The following SLC16A8 variants were observed in gnomAD, a reference collection of about 807,000 sequenced individuals.
SLC16A8 encodes solute carrier family 16 member 8.
In SLC16A8, 20 loss-of-function variants were observed where a neutral mutation model predicts 22.4. The ratio of observed to expected loss-of-function variants is 0.89; its 90% CI spans 0.63 to 1.30. The LOEUF is 1.30. Ranked by LOEUF, SLC16A8 falls within the 50% of genes most tolerant of loss-of-function variation. The pLI is 0.00. For synonymous variants in SLC16A8, 393 were observed against 358.8 expected (o/e 1.10, Z -1.08); for missense variants, 817 against 740.3 (o/e 1.10, Z -1.20).
rs994123479 is a variant in SLC16A8, at chr22:38,082,738, G to A, written c.136C>T (p.Leu46Phe). 2.5e-6 allele frequency: 4 copies of A among 1,592,402 alleles called. No individual in the cohort carries two copies. The African/African-American group carries it at 5.3e-5, about 21-fold the overall frequency. ...PKAVSVFFRA[L>F]MRDFDAGYSD... ...TAGCCGGCGTCGAAGTCGCGCATGA[G>A]CGCGCGGAAGAAGACGCTCACGGCT... The change falls in exon 3 of 6, where the codon CTC becomes TTC. Residue 46 changes from leucine (L) to phenylalanine (F), a missense_variant. Leu to Phe is a conservative substitution (Grantham distance 22). Transcript: ENST00000681075.
In SLC16A8 at chr22:38,082,776, T is replaced by TAGGCGAAGCCGG. The variant is rs1178625157; in HGVS notation, c.86_97dup (p.Ala32_Tyr33insSerGlyPheAla). The TAGGCGAAGCCGG allele has an allele frequency of 6.3e-7, 1 of 1,596,428 alleles. No homozygotes were observed. Among genetic ancestry groups the TAGGCGAAGCCGG allele is most frequent in the East Asian group, 2.3e-5 (1 of 44,310 alleles). On this transcript the variant is annotated inframe_insertion, in exon 3 of 6. Transcript: ENST00000681075. ...GACGCTCACGGCTTTGGGGAAGCCG[T>TAGGCGAAGCCGG]AGGCGAAGCCGGTGACCACAAAGCA... is the stretch of plus-strand genomic sequence containing the variant.
rs2085923626 is a variant in SLC16A8 at position 38,081,880 on chromosome 22, G to C, written c.358+9C>G. The C allele has an allele frequency of 2.5e-6, 4 of 1,592,224 alleles. No individual in the cohort carries two copies. The East Asian group carries it at 9.1e-5, about 36-fold the overall frequency. ...CAACCCAGCGGAGAGGAGACCAGGG[G>C]GCCCTCACCTGTGAGCACCCCAGCG... On this transcript the variant is annotated intron_variant, in intron 4 of 5. Coordinates refer to ENST00000681075, the MANE Select transcript of SLC16A8 (RefSeq NM_013356.3).
intron 3 of SLC16A8, among the ~76,000 whole-genome samples, chr22:38,082,349 C>T (rs904622549): frequency 3.3e-5 from 5 of 152,260 alleles, no homozygotes; most frequent in East Asian, 3.8e-4. Flanking sequence ...CAAGCCCCCA[C>T]CTACAGGTCA....
Position 38,081,985 on chromosome 22 carries a change from T to C in SLC16A8, c.262A>G (p.Met88Val). Residue 88 changes from methionine (M) to valine (V), a missense_variant, in exon 4 of 6, where the codon ATG becomes GTG. Coordinates refer to ENST00000681075, the MANE Select transcript of SLC16A8 (RefSeq NM_013356.3). The stretch of plus-strand genomic sequence containing the variant: ...GAAGCCAGCAGCCCACCCGCCAGCA[T>C]CACCGGGCGACAGCCAAAGCGGGTC... ...LVTRFGCRPV[M>V]LAGGLLASAG... 1 of 1,573,074 alleles carries C rather than the reference T, an allele frequency of 6.4e-7. No individual in the cohort carries two copies.
At chr22:38,082,273 C>T (rs1185412434) in intron 3 of SLC16A8, among the ~76,000 whole-genome samples, 2 of 152,258 alleles carry the variant, frequency 1.3e-5, no homozygotes, top group Non-Finnish European at 2.9e-5. Flanking sequence ...TTCACAGCCT[C>T]CAAGTCCCGC....
In SLC16A8 at chr22:38,081,878, G is replaced by A. The variant is rs755096320; in HGVS notation, c.358+11C>T. ...CCCAACCCAGCGGAGAGGAGACCAG[G>A]GGGCCCTCACCTGTGAGCACCCCAG... On this transcript the variant is annotated intron_variant, in intron 4 of 5. Transcript: ENST00000681075. 5 of 1,591,648 alleles carry A rather than the reference G, an allele frequency of 3.1e-6. No homozygotes were observed. The highest frequency in any genetic ancestry group is 1.1e-5 in the South Asian group (1 of 87,354).
chr22:38,081,474 G>T lies in SLC16A8; in HGVS notation c.564C>A (p.Cys188Ter). 7.5e-7 allele frequency: 1 copy of T among 1,341,100 alleles called. No homozygotes were observed. Among genetic ancestry groups the T allele is most frequent in the Non-Finnish European group, 9.5e-7 (1 of 1,055,616 alleles). 83.1% of individuals were successfully genotyped at this position (1,341,100 alleles called of 1,614,324 possible). ...LLLGGLLLHCCACGAVMRPPP... is the reference protein window; with the variant it reads ...LLLGGLLLHC ...GCGGCCTCATGACAGCCCCGCAGGC[G>T]CAGCAGTGCAGCAGGAGCCCGCCGA... Residue 188 changes from cysteine (C) to a stop codon, truncating the protein, a stop_gained, in exon 5 of 6, where the codon TGC becomes TGA. Coordinates refer to ENST00000681075, the MANE Select transcript of SLC16A8 (RefSeq NM_013356.3). LOFTEE classifies it high-confidence loss of function.
chr22:38,081,681 T>A lies in SLC16A8; in HGVS notation c.359-2A>T. 6.6e-7 allele frequency: 1 copy of A among 1,509,742 alleles called. No homozygotes were observed. Among genetic ancestry groups the A allele is most frequent in the Non-Finnish European group, 8.8e-7 (1 of 1,134,316 alleles). The allele number at this position is 1,509,742 out of a possible 1,614,324, so 93.5% of individuals were successfully genotyped here. A position where few individuals can be genotyped will look rare whatever the true frequency, so the allele number is the denominator to read the frequency against. ...GGAAGTTGAGGGCCAGGCCCAGGCC[T>A]GCGGGCGAGGCGGTGCTGTGCCGGG... is the stretch of plus-strand genomic sequence containing the variant. On this transcript the variant is annotated splice_acceptor_variant, in intron 4 of 5. Coordinates refer to ENST00000681075, the MANE Select transcript of SLC16A8 (RefSeq NM_013356.3). LOFTEE classifies it high-confidence loss of function.
At chr22:38,083,641 C>G (rs1283951440) in intron 1 of SLC16A8, among the ~76,000 whole-genome samples, 1 of 152,200 alleles carries the variant, frequency 6.6e-6, no homozygotes, top group Admixed American at 6.5e-5. Context: ...CCCTCCAAAC[C>G]TCAAACCCTC....
chr22:38,081,618 C>G lies in SLC16A8; in HGVS notation c.420G>C (p.Arg140=), dbSNP rs1018317060. 2.8e-5 allele frequency: 43 copies of G among 1,521,546 alleles called. No homozygotes were observed. In the African/African-American group the frequency reaches 6.1e-4, roughly 22 times the overall value. 94.3% of individuals were successfully genotyped at this position (1,521,546 alleles called of 1,614,324 possible). Reference sequence around the variant, plus strand: ...CCAGCCCGTTGGCCAGAGGCCGCCGCCGCTCGAAGTACAGCCCCAGCATGA... The same window carrying G: ...CCAGCCCGTTGGCCAGAGGCCGCCGGCGCTCGAAGTACAGCCCCAGCATGA... The part of the protein sequence containing the change: ...SLIMLGLYFE[R]RRPLANGLAA... The change falls in exon 5 of 6, where the codon CGG becomes CGC. Residue 140 remains arginine (R), a synonymous_variant. Transcript: ENST00000681075.
chr22:38,081,145 A>G lies in SLC16A8; in HGVS notation c.893T>C (p.Val298Ala). 2 of 1,546,770 alleles carry G rather than the reference A, an allele frequency of 1.3e-6. No individual in the cohort carries two copies. The highest frequency in any genetic ancestry group is 2.4e-5 in the East Asian group (1 of 41,188). The change falls in exon 5 of 6, where the codon GTG (valine) becomes GCG (alanine). Residue 298 changes from valine (V) to alanine (A), a missense_variant. Physicochemically the swap from Val to Ala is moderately conservative, Grantham distance 64. Transcript: ENST00000681075. ...GCACGCCGGGCGCGCCACGATGTCC[A>G]CGAAGCCCACGATGGACAGCAGGAA... ...AAFLLSIVGF[V>A]DIVARPACGA...
chr22:38,079,335 C>T (rs1391330089), intron 5 of SLC16A8, among the ~76,000 whole-genome samples: 1 of 151,924 alleles, frequency 6.6e-6, no homozygotes. Context: ...CAGGCTGGTC[C>T]TGAACTCCTG....
chr22:38,081,954 C>A lies in SLC16A8; in HGVS notation c.293G>T (p.Gly98Val). 6.4e-7 allele frequency: 1 copy of A among 1,564,670 alleles called. No homozygotes were observed. Among genetic ancestry groups the A allele is most frequent in the Non-Finnish European group, 8.7e-7 (1 of 1,154,788 alleles). ...MLAGGLLASA[G>V]MILASFATRL... Reference sequence around the variant, plus strand: ...CGTGGCAAAGGAAGCTAGGATCATGCCCGCGGAAGCCAGCAGCCCACCCGC... The same window carrying A: ...CGTGGCAAAGGAAGCTAGGATCATGACCGCGGAAGCCAGCAGCCCACCCGC... Residue 98 changes from glycine (G) to valine (V), a missense_variant, in exon 4 of 6, where the codon GGC (glycine) becomes GTC (valine). Transcript: ENST00000681075.
chr22:38,083,624 C>T (rs893133419), intron 1 of SLC16A8, among the ~76,000 whole-genome samples: 6 of 152,174 alleles, frequency 3.9e-5, no homozygotes. Flanking sequence ...GAGAGAGTGG[C>T]CTTCTGCCCT....
Position 38,081,279 on chromosome 22 carries a change from GA to G in SLC16A8, c.758del (p.Phe253SerfsTer10). The G allele has an allele frequency of 6.3e-7, 1 of 1,577,900 alleles. No individual in the cohort carries two copies. Among genetic ancestry groups the G allele is most frequent in the Non-Finnish European group, 8.6e-7 (1 of 1,161,734 alleles). ...LDLAVCTDRA[F>X]AVYAVTKFLM... Reference sequence around the variant, plus strand: ...GGAACTTGGTGACGGCGTACACGGCGAAGGCGCGGTCGGTGCACACTGCCAA... The same window carrying G: ...GGAACTTGGTGACGGCGTACACGGCGAGGCGCGGTCGGTGCACACTGCCAA... On this transcript the variant is annotated frameshift_variant, in exon 5 of 6. Transcript: ENST00000681075. LOFTEE classifies it high-confidence loss of function.
Position 38,082,742 on chromosome 22 carries a change from G to C in SLC16A8, c.132C>G (p.Arg44=). Residue 44 remains arginine, a synonymous_variant, in exon 3 of 6, where the codon CGC becomes CGG. Coordinates refer to ENST00000681075, the MANE Select transcript of SLC16A8 (RefSeq NM_013356.3). ...GFPKAVSVFF[R]ALMRDFDAGY... is the part of the protein sequence containing the mutation. ...CGGCGTCGAAGTCGCGCATGAGCGCGCGGAAGAAGACGCTCACGGCTTTGG... is the reference window on the plus strand; with the variant it reads ...CGGCGTCGAAGTCGCGCATGAGCGCCCGGAAGAAGACGCTCACGGCTTTGG... 6.3e-7 allele frequency: 1 copy of C among 1,592,776 alleles called. No homozygotes were observed. Among genetic ancestry groups the C allele is most frequent in the Non-Finnish European group, 8.5e-7 (1 of 1,172,052 alleles).
At position 38,081,796 on chromosome 22, in the gene SLC16A8, G is replaced by A. The variant is rs1367689484; in HGVS notation, c.358+93C>T. The A allele has an allele frequency of 2.2e-5, 33 of 1,470,718 alleles. No individual in the cohort carries two copies. In the East Asian group the frequency reaches 5.8e-4, roughly 26 times the overall value. The allele number at this position is 1,470,718 out of a possible 1,614,324, so 91.1% of individuals were successfully genotyped here. On this transcript the variant is annotated intron_variant, in intron 4 of 5. Coordinates refer to ENST00000681075, the MANE Select transcript of SLC16A8 (RefSeq NM_013356.3). ...TCCGGGAACCCAGCCGAGGGACTTC[G>A]AAGACTGTCCCTCATAGGGAAACCG...
In SLC16A8 at chr22:38,081,624, G is replaced by A. The variant is rs963752487; in HGVS notation, c.414C>T (p.Phe138=). 2 of 1,521,910 alleles carry A rather than the reference G, an allele frequency of 1.3e-6. No homozygotes were observed. The highest frequency in any genetic ancestry group is 2.0e-5 in the Admixed American group (1 of 48,950). 94.3% of individuals were successfully genotyped at this position (1,521,910 alleles called of 1,614,324 possible). A position where few individuals can be genotyped will look rare whatever the true frequency, so the allele number is the denominator to read the frequency against. Residue 138 remains phenylalanine, a synonymous_variant, in exon 5 of 6, where the codon TTC becomes TTT. Coordinates refer to ENST00000681075, the MANE Select transcript of SLC16A8 (RefSeq NM_013356.3). ...CGTTGGCCAGAGGCCGCCGCCGCTC[G>A]AAGTACAGCCCCAGCATGATGAGCG... ...QPSLIMLGLY[F]ERRRPLANGL...
chr22:38,082,124 A>G, intron 3 of SLC16A8, 92 bp from the exon 4 acceptor site: 1 of 1,402,110 alleles, frequency 7.1e-7, no homozygotes, highest in Non-Finnish European at 9.5e-7. Flanking sequence ...CACAGAGAGG[A>G]GGGCAGTGTC....
Sources: gnomAD v4.1 joint callset for allele counts (sites outside exome capture counted in the v4.1 genomes callset) on GRCh38, gnomAD v4.1.1 for gene constraint, MANE v1.5 for transcripts, NCBI Gene and HGNC (gene_info 2026-07-23, HGNC 2026-07-21) for gene names.